DNPEP: variants seen among roughly 807,000 people sequenced by gnomAD.
DNPEP encodes aspartyl aminopeptidase.
Under a neutral mutation model 59.1 loss-of-function variants are expected in DNPEP, and 46 were observed. The observed-to-expected ratio is 0.78, with a 90% CI of 0.61 to 0.99. DNPEP has a LOEUF of 0.99. Ranked by LOEUF, DNPEP falls within the 50% of genes least tolerant of loss-of-function variation. DNPEP has a pLI of 0.00. For synonymous variants in DNPEP, 229 were observed against 242.2 expected (o/e 0.95, Z 0.50); for missense variants, 617 against 649.9 (o/e 0.95, Z 0.55).
In DNPEP at chr2:219,386,011, G is replaced by A. The variant is rs769215402; in HGVS notation, c.547C>T (p.Arg183Ter). 1.4e-5 allele frequency: 22 copies of A among 1,614,096 alleles called. No homozygotes were observed. Among genetic ancestry groups the A allele is most frequent in the South Asian group, 2.2e-5 (2 of 91,082 alleles). ...GGCCCAAAGTTCTCGTTGATATTTCGCTGCAGATGGATGGCCAGGTGTGGG... is the reference window on the plus strand; with the variant it reads ...GGCCCAAAGTTCTCGTTGATATTTCACTGCAGATGGATGGCCAGGTGTGGG... ...RIPHLAIHLQ[R>*]NINENFGPNT... Residue 183 changes from arginine (R) to a stop codon, truncating the protein, a stop_gained, in exon 6 of 15, where the codon CGA (arginine) becomes TGA (stop). Coordinates refer to ENST00000273075, the MANE Select transcript of DNPEP (RefSeq NM_012100.4). LOFTEE classifies it high-confidence loss of function.
chr2:219,394,657 T>C (rs75928659), intron 1 of DNPEP, among the ~76,000 whole-genome samples: 4,172 of 152,234 alleles, frequency 0.027, 191 homozygotes, highest in African/African-American at 0.093. Flanking sequence ...TAATGTCCAA[T>C]CTCATGACTT....
chr2:219,374,308 T>C lies in DNPEP; in HGVS notation c.1442A>G (p.Asn481Ser). Residue 481 changes from asparagine (N) to serine (S), a missense_variant, in exon 15 of 15, where the codon AAT becomes AGT. By Grantham distance (46) the Asn-to-Ser change is conservative. Coordinates refer to ENST00000273075, the MANE Select transcript of DNPEP (RefSeq NM_012100.4). ...FFELFPSLSH[N>S]LLVD ...CAAGAGGGCTCAATCCACTAAGAGA[T>C]TATGGCTTAGAGAAGGGAACAGCTC... is the stretch of plus-strand genomic sequence containing the variant. The C allele has an allele frequency of 6.2e-7, 1 of 1,614,052 alleles. No individual in the cohort carries two copies. The highest frequency in any genetic ancestry group is 1.7e-5 in the Admixed American group (1 of 60,006).
In DNPEP at chr2:219,386,666, C is replaced by T. The variant is rs1953852350; in HGVS notation, c.332G>A (p.Arg111Gln). 2.5e-6 allele frequency: 4 copies of T among 1,610,504 alleles called. No individual in the cohort carries two copies. In the Admixed American group the frequency reaches 6.7e-5, roughly 27 times the overall value. Residue 111 changes from arginine to glutamine, a missense_variant and splice_region_variant, in exon 4 of 15, where the codon CGG (arginine) becomes CAG (glutamine). By Grantham distance (43) the Arg-to-Gln change is conservative. Transcript: ENST00000273075. The stretch of plus-strand genomic sequence containing the variant: ...CCCAACACCGTCCGAGTTCCTTACC[C>T]GGAGGCAGGGGCTGTCCGTGTGGGC... ...IGAHTDSPCL[R>Q]VKRRSRRSQV...
chr2:219,384,281 C>T (rs60712769), intron 9 of DNPEP, 85 bp downstream of exon 9: 2 of 1,343,694 alleles, frequency 1.5e-6, no homozygotes, highest in Non-Finnish European at 2.1e-6. Context: ...TCACAACCTG[C>T]TGGGGCTTTA....
intron 1 of DNPEP, among the ~76,000 whole-genome samples, chr2:219,394,472 T>A (rs546776645): frequency 3.3e-5 from 5 of 152,212 alleles, no homozygotes; most frequent in Non-Finnish European, 7.3e-5. Context: ...AGATGAGGTC[T>A]CACTTTGTTG....
intron 7 of DNPEP, 30 bp downstream of exon 7, chr2:219,385,601 G>C: frequency 1.9e-6 from 3 of 1,609,408 alleles, no homozygotes; most frequent in Non-Finnish European, 2.6e-6. Flanking sequence ...GGACTCTGCC[G>C]CCCTCCCCAT....
upstream of DNPEP, chr2:219,388,515 C>T (rs1953950968): frequency 5.5e-6 from 1 of 183,216 alleles, no homozygotes; most frequent in Non-Finnish European, 1.0e-5. Flanking sequence ...TCCGGCCCGC[C>T]CTCGTCTCCG....
At chr2:219,375,134 G>A (rs1353959329) in intron 13 of DNPEP, 112 bp from the exon 14 acceptor site, 18 of 1,151,252 alleles carry the variant, frequency 1.6e-5, no homozygotes, top group South Asian at 2.9e-5. Context: ...TGGTCCATTC[G>A]GAGCATAAAA....
At chr2:219,385,932 T>A (rs745594523) in intron 6 of DNPEP, 36 bp downstream of exon 6, 1 of 1,610,458 alleles carries the variant, frequency 6.2e-7, no homozygotes, top group Admixed American at 1.7e-5. Context: ...CCATTCTCCA[T>A]CCCTCCCAGC....
At chr2:219,383,058 G>C in intron 10 of DNPEP, 73 bp downstream of exon 10, 1 of 1,438,208 alleles carries the variant, frequency 7.0e-7, no homozygotes, top group Non-Finnish European at 9.7e-7. Flanking sequence ...CTGGCTCACG[G>C]TGGATGCCTG....
intron 12 of DNPEP, 42 bp from the exon 13 acceptor site, chr2:219,381,478 A>G (rs753184570): frequency 6.2e-7 from 1 of 1,613,850 alleles, no homozygotes; most frequent in Admixed American, 1.7e-5. Flanking sequence ...GACAGGCCCA[A>G]AGGGAATGAG....
At position 219,373,227 on chromosome 2, in the gene DNPEP, C is replaced by T. The variant is rs943601020; in HGVS notation, c.*1065G>A. On this transcript the variant is annotated 3_prime_UTR_variant, in exon 15 of 15. Transcript: ENST00000273075. Reference sequence around the variant, plus strand: ...GAGATTACAGGCATGTGCCACCACGCCCGGCTAATTTTGTATTTTTAGCAG... The same window carrying T: ...GAGATTACAGGCATGTGCCACCACGTCCGGCTAATTTTGTATTTTTAGCAG... Among the ~76,000 whole-genome samples the T allele has an allele frequency of 3.9e-5, 6 of 151,962 alleles. No homozygotes were observed. The highest frequency in any genetic ancestry group is 8.8e-5 in the Non-Finnish European group (6 of 67,992).
chr2:219,392,171 TCTTGCC>T (rs1002895892), upstream of DNPEP, among the ~76,000 whole-genome samples: 14 of 152,184 alleles, frequency 9.2e-5, no homozygotes, highest in African/African-American at 3.4e-4. Context: ...TGAGAATCGT[TCTTGCC>T]CTTGGCCTTC....
At chr2:219,381,488 G>A in intron 12 of DNPEP, 52 bp from the exon 13 acceptor site, 2 of 1,613,826 alleles carry the variant, frequency 1.2e-6, no homozygotes, top group Non-Finnish European at 1.7e-6. Context: ...AAGGGAATGA[G>A]TCGGCGCTCG....
In DNPEP at chr2:219,372,387, A is replaced by G. The variant is rs908614192; in HGVS notation, c.*1905T>C. Among the ~76,000 whole-genome samples the G allele has an allele frequency of 2.0e-5, 3 of 151,932 alleles. No individual in the cohort carries two copies. The highest frequency in any genetic ancestry group is 7.3e-5 in the African/African-American group (3 of 41,366). On this transcript the variant is annotated 3_prime_UTR_variant, in exon 15 of 15. Transcript: ENST00000273075. ...AATATATAATAATTTTTTTTTTGAGACGGAGTCTGGCTCTGTCGCCCAGGC... is the reference window on the plus strand; with the variant it reads ...AATATATAATAATTTTTTTTTTGAGGCGGAGTCTGGCTCTGTCGCCCAGGC...
At chr2:219,398,192 G>A (rs1341253625) in intron 1 of DNPEP, among the ~76,000 whole-genome samples, 1 of 152,198 alleles carries the variant, frequency 6.6e-6, no homozygotes, top group Non-Finnish European at 1.5e-5. Flanking sequence ...TCTTCAAATA[G>A]TTAAGTGGGC....
chr2:219,384,407 G>A lies in DNPEP; in HGVS notation c.811C>T (p.Pro271Ser). 2 of 1,611,940 alleles carry A rather than the reference G, an allele frequency of 1.2e-6. No homozygotes were observed. Among genetic ancestry groups the A allele is most frequent in the African/African-American group, 1.3e-5 (1 of 74,926 alleles). The part of the protein sequence containing the change: ...GGAYDEFIFA[P>S]RLDNLHSCFC... Reference sequence around the variant, plus strand: ...CAGCTGTGCAGATTGTCCAGCCGAGGAGCAAAGATGAACTCATCATAGGCA... The same window carrying A: ...CAGCTGTGCAGATTGTCCAGCCGAGAAGCAAAGATGAACTCATCATAGGCA... The change falls in exon 9 of 15, where the codon CCT becomes TCT. Residue 271 changes from proline to serine, a missense_variant. Physicochemically the swap from Pro to Ser is moderately conservative, Grantham distance 74. Coordinates refer to ENST00000273075, the MANE Select transcript of DNPEP (RefSeq NM_012100.4).
In DNPEP at chr2:219,398,302, C is replaced by G. The variant is rs73085239; in HGVS notation, c.-158+1638G>C. On this transcript the variant is annotated intron_variant, in intron 1 of 6. Transcript: ENST00000434339. ...TTGATATCTTTAGTGCCTGGCCTGA[C>G]ATGTAGTAGGTTCTCAATGAATGTT... 3.7e-3 allele frequency among the ~76,000 whole-genome samples: 567 copies of G among 152,352 alleles called. 3 individuals carry two copies. The highest frequency in any genetic ancestry group is 0.012 in the African/African-American group (494 of 41,584).
intron 9 of DNPEP, 83 bp downstream of exon 9, chr2:219,384,283 G>A (rs1333008576): frequency 1.5e-6 from 2 of 1,352,846 alleles, no homozygotes; most frequent in Admixed American, 4.1e-5. Flanking sequence ...ACAACCTGCT[G>A]GGGCTTTAGG....
Sources: allele counts gnomAD v4.1 joint callset (sites outside exome capture counted in the v4.1 genomes callset), GRCh38; gene constraint gnomAD v4.1.1; transcripts MANE v1.5; gene names NCBI Gene and HGNC (gene_info 2026-07-23, HGNC 2026-07-21).